SMYD3: variants seen among roughly 807,000 people sequenced by gnomAD.
SMYD3 encodes SET and MYND domain containing 3.
Under a neutral mutation model 57.7 loss-of-function variants are expected in SMYD3, and 36 were observed. The observed-to-expected ratio is 0.62, with a 90% CI of 0.48 to 0.82. The LOEUF (loss-of-function observed/expected upper bound fraction) is 0.82, where lower values mean the gene tolerates loss of function less well. Among genes scored for constraint, SMYD3 ranks in the 40% least tolerant of loss-of-function variants. SMYD3 has a pLI of 0.00. For synonymous variants in SMYD3, 211 were observed against 195.0 expected, an observed-to-expected ratio of 1.08 and a Z score of -0.68; for missense variants, 515 against 538.8, an observed-to-expected ratio of 0.96 and a Z score of 0.44.
At chr1:246,259,655 G>A (rs918245723) in intron 5 of SMYD3, among the ~76,000 whole-genome samples, 1 of 152,198 alleles carries the variant, frequency 6.6e-6, no homozygotes, top group Non-Finnish European at 1.5e-5. Context: ...ACTGGCAGAA[G>A]TTCTCTGTTG....
At chr1:246,043,731 T>C (rs757631623) in intron 5 of SMYD3, among the ~76,000 whole-genome samples, 1 of 152,230 alleles carries the variant, frequency 6.6e-6, no homozygotes, top group Non-Finnish European at 1.5e-5. Context: ...GAATAATATG[T>C]GCAGTCAAGC....
At chr1:246,134,453 T>TA (rs987792618) in intron 5 of SMYD3, among the ~76,000 whole-genome samples, 9 of 152,120 alleles carry the variant, frequency 5.9e-5, no homozygotes, top group Non-Finnish European at 1.0e-4. Context: ...ACACTAAATT[T>TA]AAATTATATA....
intron 5 of SMYD3, among the ~76,000 whole-genome samples, chr1:245,994,424 G>C (rs936077042): frequency 6.6e-6 from 1 of 152,186 alleles, no homozygotes; most frequent in Admixed American, 6.5e-5. Flanking sequence ...CCTGGCCATC[G>C]GGTTACTGTT....
intron 8 of SMYD3, among the ~76,000 whole-genome samples, chr1:245,872,954 T>G (rs1317439): frequency 0.77 from 116,607 of 152,066 alleles, 45,969 homozygotes; most frequent in Middle Eastern, 0.87. Context: ...CTGTGTGGGG[T>G]TGTTCCCATC....
chr1:246,336,097 T>A (rs2148673524), intron 2 of SMYD3, among the ~76,000 whole-genome samples: 1 of 152,296 alleles, frequency 6.6e-6, no homozygotes, highest in Middle Eastern at 3.4e-3. Context: ...CTCTGAAAAG[T>A]TCTGGTTTTG....
chr1:245,760,182 T>C (rs2045785324), intron 11 of SMYD3, among the ~76,000 whole-genome samples: 1 of 152,194 alleles, frequency 6.6e-6, no homozygotes, highest in Admixed American at 6.5e-5. Flanking sequence ...ACTGAATCTG[T>C]AATAAATTTC....
chr1:246,487,506 A>G (rs1294235093), intron 1 of SMYD3, among the ~76,000 whole-genome samples: 1 of 152,150 alleles, frequency 6.6e-6, no homozygotes, highest in Non-Finnish European at 1.5e-5. Context: ...GATAAAAGAT[A>G]CAATGTTCTG....
chr1:246,006,709 C>A (rs1015165253), intron 5 of SMYD3, among the ~76,000 whole-genome samples: 3 of 152,140 alleles, frequency 2.0e-5, no homozygotes, highest in African/African-American at 7.2e-5. Context: ...TCTTTCAGCC[C>A]ACTGAGAACA....
chr1:246,350,497 T>C lies in SMYD3; in HGVS notation c.228+4534A>G, dbSNP rs184277906. ...CAATTCAGATCTTTAGGTAGTAAAA[T>C]AGTAAAATCAGCACGACATGATGAC... On this transcript the variant is annotated intron_variant, in intron 2 of 11. Coordinates refer to ENST00000490107, the MANE Select transcript of SMYD3 (RefSeq NM_001167740.2). Among the ~76,000 whole-genome samples the C allele has an allele frequency of 7.9e-5, 12 of 152,188 alleles. No homozygotes were observed. The East Asian group carries it at 2.1e-3, about 27-fold the overall frequency.
At chr1:246,075,853 CAAT>C (rs1375053096) in intron 5 of SMYD3, among the ~76,000 whole-genome samples, 4 of 142,928 alleles carry the variant, frequency 2.8e-5, no homozygotes, top group Non-Finnish European at 6.0e-5. Context: ...TGAAATGGGA[CAAT>C]GTTAACTTTA....
At chr1:246,025,734 T>C (rs560395190) in intron 5 of SMYD3, among the ~76,000 whole-genome samples, 1 of 152,282 alleles carries the variant, frequency 6.6e-6, no homozygotes, top group South Asian at 2.1e-4. Context: ...CTGAGTGATG[T>C]ATGATTAAGC....
At chr1:245,764,528 C>G (rs900824173) in intron 10 of SMYD3, among the ~76,000 whole-genome samples, 3 of 152,234 alleles carry the variant, frequency 2.0e-5, no homozygotes, top group Admixed American at 6.5e-5. Context: ...TAGCACAGCC[C>G]TGGAACAGCA....
At chr1:246,276,530 G>GT (rs2064336765) in intron 5 of SMYD3, among the ~76,000 whole-genome samples, 1 of 150,380 alleles carries the variant, frequency 6.6e-6, no homozygotes, top group Non-Finnish European at 1.5e-5. Context: ...TTTACTAGCC[G>GT]TATTAACACT....
At chr1:245,956,015 T>G (rs919822481) in intron 5 of SMYD3, 3 of 985,320 alleles carry the variant, frequency 3.0e-6, no homozygotes, top group Middle Eastern at 5.2e-4. Context: ...GAACACTGTT[T>G]GTAAATGCAA....
chr1:245,768,756 C>T (rs1331888909), intron 10 of SMYD3, among the ~76,000 whole-genome samples: 2 of 152,136 alleles, frequency 1.3e-5, no homozygotes, highest in East Asian at 3.8e-4. Context: ...TGTGTAAGGA[C>T]ACAGTGTTCC....
At chr1:245,859,084 T>A (rs1010299719) in intron 9 of SMYD3, among the ~76,000 whole-genome samples, 2 of 152,202 alleles carry the variant, frequency 1.3e-5, no homozygotes, top group Non-Finnish European at 2.9e-5. Context: ...TAAAGATGCT[T>A]TAGAGAGATT....
intron 10 of SMYD3, among the ~76,000 whole-genome samples, chr1:245,810,553 C>T (rs1258338615): frequency 1.3e-5 from 2 of 152,190 alleles, no homozygotes; most frequent in East Asian, 1.9e-4. Flanking sequence ...ACTGCAGCCA[C>T]GGAGTTGAAG....
At chr1:246,218,230 A>T (rs950872593) in intron 5 of SMYD3, among the ~76,000 whole-genome samples, 6 of 151,156 alleles carry the variant, frequency 4.0e-5, no homozygotes, top group Middle Eastern at 3.4e-3. Context: ...AAAACCTGTT[A>T]AAAAAAAAGC....
At chr1:245,929,961 A>G (rs1367276342) in intron 5 of SMYD3, 24 bp from the exon 6 acceptor site, 1 of 1,597,978 alleles carries the variant, frequency 6.3e-7, no homozygotes, top group Non-Finnish European at 8.6e-7. Flanking sequence ...GGGAACCATC[A>G]GTATTACTAG....
Sources: gnomAD v4.1 joint callset for allele counts (sites outside exome capture counted in the v4.1 genomes callset) on GRCh38, gnomAD v4.1.1 for gene constraint, MANE v1.5 for transcripts, NCBI Gene and HGNC (gene_info 2026-07-23, HGNC 2026-07-21) for gene names.